TEAD1: variants seen among roughly 807,000 people sequenced by gnomAD.
TEAD1 encodes transcriptional enhancer factor TEF-1.
Under a neutral mutation model 54.9 loss-of-function variants are expected in TEAD1, and 9 were observed. The ratio of observed to expected loss-of-function variants is 0.16; its 90% CI spans 0.10 to 0.29. The LOEUF (loss-of-function observed/expected upper bound fraction) is 0.29. Among genes scored for constraint, TEAD1 ranks in the 10% least tolerant of loss-of-function variants. The pLI, the probability that TEAD1 is intolerant of heterozygous loss-of-function variation, is 1.00. For synonymous variants in TEAD1, 200 were observed against 187.8 expected (o/e 1.07, Z -0.53); for missense variants, 387 against 535.9 (o/e 0.72, Z 2.74).
chr11:12,889,522 A>G (rs1483996147), intron 9 of TEAD1, among the ~76,000 whole-genome samples: 2 of 152,138 alleles, frequency 1.3e-5, no homozygotes, highest in Admixed American at 1.3e-4. Flanking sequence ...GAAAGCACAG[A>G]AAGGATTTAC....
At chr11:12,864,111 A>G (rs889728438) in intron 4 of TEAD1, among the ~76,000 whole-genome samples, 1 of 151,542 alleles carries the variant, frequency 6.6e-6, no homozygotes, top group Non-Finnish European at 1.5e-5. Flanking sequence ...GGGTCTTTCC[A>G]TTTCTCTTTG....
intron 10 of TEAD1, among the ~76,000 whole-genome samples, chr11:12,915,588 G>A (rs1360025971): frequency 6.6e-6 from 1 of 152,200 alleles, no homozygotes; most frequent in African/African-American, 2.4e-5. Flanking sequence ...TGGCCCACGC[G>A]TATAATCCCA....
chr11:12,864,984 T>A, intron 5 of TEAD1, 84 bp downstream of exon 5: 5 of 1,467,902 alleles, frequency 3.4e-6, no homozygotes, highest in Non-Finnish European at 3.8e-6. Flanking sequence ...TGCCTGGTGC[T>A]GGGATTCTCG....
At chr11:12,836,419 CAAA>C (rs34899154) in intron 3 of TEAD1, among the ~76,000 whole-genome samples, 3 of 132,474 alleles carry the variant, frequency 2.3e-5, no homozygotes, top group South Asian at 2.5e-4. Flanking sequence ...GACTCCGTCT[CAAA>C]AAAAAAAAAA....
intron 11 of TEAD1, among the ~76,000 whole-genome samples, chr11:12,929,006 A>G (rs16911799): frequency 0.63 from 95,439 of 151,970 alleles, 30,162 homozygotes; most frequent in South Asian, 0.76. Context: ...TGTGGCCTCC[A>G]CCTTTTTCAG....
At chr11:12,840,178 C>T (rs1464823645) in intron 3 of TEAD1, among the ~76,000 whole-genome samples, 8 of 144,738 alleles carry the variant, frequency 5.5e-5, no homozygotes, top group African/African-American at 1.6e-4. Context: ...ACCCGGGAGG[C>T]GGAGCTTGCA....
At chr11:12,879,518 A>G (rs1345057170) in intron 5 of TEAD1, 190 bp from the exon 6 acceptor site, 4 of 726,642 alleles carry the variant, frequency 5.5e-6, no homozygotes, top group African/African-American at 5.2e-5. Context: ...CTTCCCAGTA[A>G]ATGTTGAGAG....
chr11:12,927,116 G>C (rs1948916422), intron 11 of TEAD1, among the ~76,000 whole-genome samples: 1 of 152,198 alleles, frequency 6.6e-6, no homozygotes, highest in Non-Finnish European at 1.5e-5. Context: ...CAAATTCAGG[G>C]AGCAGGGAAA....
chr11:12,708,422 C>T (rs775589809), intron 2 of TEAD1, among the ~76,000 whole-genome samples: 18 of 151,892 alleles, frequency 1.2e-4, no homozygotes, highest in Non-Finnish European at 2.5e-4. Flanking sequence ...TTTTCTGGGT[C>T]AGAGACTTTA....
chr11:12,883,926 C>T (rs748191213), intron 9 of TEAD1, among the ~76,000 whole-genome samples: 13 of 150,274 alleles, frequency 8.7e-5, no homozygotes, highest in Non-Finnish European at 1.5e-4. Flanking sequence ...ACCCAGGAGG[C>T]GGAGGTTGCG....
chr11:12,744,872 C>T (rs761548361), intron 2 of TEAD1, among the ~76,000 whole-genome samples: 4 of 152,106 alleles, frequency 2.6e-5, no homozygotes, highest in Non-Finnish European at 4.4e-5. Flanking sequence ...ACCTGGCTCC[C>T]CCAGGCTTCC....
At chr11:12,810,559 C>T (rs1946279076) in intron 3 of TEAD1, among the ~76,000 whole-genome samples, 1 of 152,176 alleles carries the variant, frequency 6.6e-6, no homozygotes, top group Non-Finnish European at 1.5e-5. Flanking sequence ...AACTTCCCAC[C>T]TTAGTCTTCG....
intron 2 of TEAD1, among the ~76,000 whole-genome samples, chr11:12,696,008 G>T (rs1301982772): frequency 2.0e-5 from 3 of 152,194 alleles, no homozygotes; most frequent in South Asian, 4.1e-4. Context: ...CAACAAAGTG[G>T]TTTTTTCCTC....
chr11:12,879,153 C>T (rs1237225598), intron 5 of TEAD1, among the ~76,000 whole-genome samples: 9 of 152,198 alleles, frequency 5.9e-5, no homozygotes, highest in East Asian at 3.9e-4. Context: ...CCCCAACCCC[C>T]GCTGCTTCTG....
chr11:12,683,340 A>C (rs1316489924), intron 2 of TEAD1, among the ~76,000 whole-genome samples: 1 of 152,204 alleles, frequency 6.6e-6, no homozygotes, highest in African/African-American at 2.4e-5. Flanking sequence ...TCTAGTCCTA[A>C]GGATCTGGGA....
intron 2 of TEAD1, among the ~76,000 whole-genome samples, chr11:12,751,285 CA>C (rs67548037): frequency 0.43 from 48,019 of 112,446 alleles, 7,814 homozygotes; most frequent in South Asian, 0.6. Flanking sequence ...CAACCTGACT[CA>C]AAAAAAAAAA....
chr11:12,857,627 C>T (rs183509767), intron 3 of TEAD1, among the ~76,000 whole-genome samples: 1 of 123,224 alleles, frequency 8.1e-6, no homozygotes, highest in African/African-American at 3.9e-5. Flanking sequence ...AAGATCATGG[C>T]TGCAACAGGA....
chr11:12,894,853 T>C (rs560821681), intron 9 of TEAD1, among the ~76,000 whole-genome samples: 2 of 152,342 alleles, frequency 1.3e-5, no homozygotes, highest in South Asian at 4.1e-4. Flanking sequence ...TTACGTGCTA[T>C]GTACAGTGTT....
intron 3 of TEAD1, among the ~76,000 whole-genome samples, chr11:12,855,781 C>T (rs77135280): frequency 1.4e-5 from 2 of 147,272 alleles, no homozygotes; most frequent in East Asian, 4.0e-4. Context: ...TCTGTCTCTA[C>T]AAAAAAAAAA....
Sources: gnomAD v4.1 joint callset for allele counts (sites outside exome capture counted in the v4.1 genomes callset) on GRCh38, gnomAD v4.1.1 for gene constraint, MANE v1.5 for transcripts, NCBI Gene and HGNC (gene_info 2026-07-23, HGNC 2026-07-21) for gene names.